The following TNFAIP8L3 variants were observed in gnomAD, a reference collection of about 807,000 sequenced individuals.
The protein encoded by TNFAIP8L3 is tumor necrosis factor alpha-induced protein 8-like protein 3.
Under a neutral mutation model 11.8 loss-of-function variants are expected in TNFAIP8L3, and 7 were observed. The ratio of observed to expected loss-of-function variants is 0.59; its 90% CI spans 0.34 to 1.11. The LOEUF is 1.11. Among genes scored for constraint, TNFAIP8L3 ranks in the 50% most tolerant of loss-of-function variants. The pLI is 0.03. For missense variants in TNFAIP8L3, 219 were observed against 258.6 expected, an observed-to-expected ratio of 0.85 and a Z score of 1.05; for synonymous variants, 98 against 103.8, an observed-to-expected ratio of 0.94 and a Z score of 0.34.
rs1038529963 is a variant in TNFAIP8L3, at chr15:51,094,880, G to A, written c.-285C>T. 6.6e-6 allele frequency among the ~76,000 whole-genome samples: 1 copy of A among 151,220 alleles called. No individual in the cohort carries two copies. The highest frequency in any genetic ancestry group is 2.4e-5 in the African/African-American group (1 of 41,318). Reference sequence around the variant, plus strand: ...AGCCGGGAGGAGGGAGGGGAGGCGCGAGCGCCGAGGAGCCCGAGCGTCCGG... The same window carrying A: ...AGCCGGGAGGAGGGAGGGGAGGCGCAAGCGCCGAGGAGCCCGAGCGTCCGG... On this transcript the variant is annotated 5_prime_UTR_variant, in exon 1 of 2. Coordinates refer to ENST00000637513, the MANE Select transcript of TNFAIP8L3 (RefSeq NM_001311175.2). This position sits in a 1 kb window ranked among gnomAD's most constrained non-coding sequence, Gnocchi z 4.4.
upstream of TNFAIP8L3, among the ~76,000 whole-genome samples, chr15:51,095,090 C>T (rs563082383): frequency 4.3e-4 from 65 of 152,232 alleles, 1 homozygote; most frequent in African/African-American, 1.5e-3. Context: ...AGAGCTTCAA[C>T]TCGCGCAGGA....
chr15:51,075,467 C>T (rs2065343375), intron 1 of TNFAIP8L3, among the ~76,000 whole-genome samples: 1 of 152,160 alleles, frequency 6.6e-6, no homozygotes, highest in South Asian at 2.1e-4. Flanking sequence ...TACTCAGGAG[C>T]TGTCGGGCTT....
At chr15:51,076,878 C>A (rs1254997625) in intron 1 of TNFAIP8L3, among the ~76,000 whole-genome samples, 1 of 152,168 alleles carries the variant, frequency 6.6e-6, no homozygotes, top group Non-Finnish European at 1.5e-5. Flanking sequence ...TTAATAGTAA[C>A]CCCTTAAGTA....
At chr15:51,090,559 C>T (rs2065461085) in intron 1 of TNFAIP8L3, among the ~76,000 whole-genome samples, 1 of 152,196 alleles carries the variant, frequency 6.6e-6, no homozygotes, top group African/African-American at 2.4e-5. Context: ...TAGCTGCCTT[C>T]CTGTTTATTT....
intron 1 of TNFAIP8L3, among the ~76,000 whole-genome samples, chr15:51,075,842 A>G (rs2065345597): frequency 6.6e-6 from 1 of 152,216 alleles, no homozygotes. Flanking sequence ...AGGTGCTCTA[A>G]TTAATTAATG....
At chr15:51,099,551 C>T (rs1567298915), upstream of TNFAIP8L3, among the ~76,000 whole-genome samples, 1 of 152,186 alleles carries the variant, frequency 6.6e-6, no homozygotes, top group Non-Finnish European at 1.5e-5. Context: ...CTTTAAATAG[C>T]AGCACCAGGA....
chr15:51,068,510 T>C (rs2065286284), intron 1 of TNFAIP8L3, among the ~76,000 whole-genome samples: 1 of 152,186 alleles, frequency 6.6e-6, no homozygotes, highest in South Asian at 2.1e-4. Context: ...ACTAGAGATC[T>C]TGAGGGATAA....
rs190029759 is a variant in TNFAIP8L3 at position 51,104,960 on chromosome 15, C to T, written c.172+45G>A. The T allele has an allele frequency of 4.6e-4, 736 of 1,612,822 alleles. 3 individuals carry two copies. The African/African-American group carries it at 8.9e-3, about 19-fold the overall frequency. On this transcript the variant is annotated intron_variant, in intron 1 of 2. Transcript: ENST00000327536. ...CTTGCATGCTTTGCACAAGCCTCCC[C>T]GCCCCTATACTTCCTTCTCTGCCAG... is the stretch of plus-strand genomic sequence containing the variant.
chr15:51,056,895 TA>T lies in TNFAIP8L3; in HGVS notation c.*985del, dbSNP rs1471144651. 1 of 151,656 alleles carries T rather than the reference TA, an allele frequency of 6.6e-6. No homozygotes were observed. The highest frequency in any genetic ancestry group is 1.5e-5 in the Non-Finnish European group (1 of 67,970). The allele number at this position is 151,656 out of a possible 1,614,324, so 9.4% of individuals were successfully genotyped here. On this transcript the variant is annotated 3_prime_UTR_variant, in exon 2 of 2. Coordinates refer to ENST00000637513, the MANE Select transcript of TNFAIP8L3 (RefSeq NM_001311175.2). ...CTAAGACCTCAAAAACACCTCTTTT[TA>T]AAAAAATTATTATTATTATTATTAT...
chr15:51,103,692 C>A (rs954761058), intron 1 of TNFAIP8L3, among the ~76,000 whole-genome samples: 7 of 152,180 alleles, frequency 4.6e-5, no homozygotes, highest in Admixed American at 1.3e-4. Context: ...TCTATCCTTC[C>A]AAACTCCGTG....
At chr15:51,079,583 ACT>A (rs1256112455) in intron 1 of TNFAIP8L3, among the ~76,000 whole-genome samples, 2 of 152,014 alleles carry the variant, frequency 1.3e-5, no homozygotes, top group African/African-American at 4.8e-5. Flanking sequence ...GGCCTGAGAC[ACT>A]CTCACCTGGG....
intron 1 of TNFAIP8L3, among the ~76,000 whole-genome samples, chr15:51,083,468 G>C (rs76940320): frequency 0.017 from 2,599 of 152,300 alleles, 29 homozygotes; most frequent in Non-Finnish European, 0.026. Context: ...ATCTGGAATA[G>C]AGGTCAAGGA....
Position 51,072,989 on chromosome 15 carries a change from C to CTTTTTT in TNFAIP8L3, c.53-14547_53-14546insAAAAAA, listed in dbSNP as rs2065321403. ...ATGTTGATCTGAAGTAAACTGGGAT[C>CTTTTTT]CTTTTTTTTTTTTTTTTTTTTTTTG... On this transcript the variant is annotated intron_variant, in intron 1 of 1. Transcript: ENST00000637513. Among the ~76,000 whole-genome samples, 10 of 45,754 alleles carry CTTTTTT rather than the reference C, an allele frequency of 2.2e-4. 3 individuals carry two copies. The highest frequency in any genetic ancestry group is 3.0e-4 in the Admixed American group (1 of 3,336). 30.0% of individuals were successfully genotyped at this position (45,754 alleles called of 152,430 possible).
intron 1 of TNFAIP8L3, among the ~76,000 whole-genome samples, chr15:51,091,393 T>C (rs1595618970): frequency 6.6e-6 from 1 of 152,168 alleles, no homozygotes; most frequent in Admixed American, 6.5e-5. Flanking sequence ...GTGACCATGA[T>C]GGTTCCTGCC....
chr15:51,088,695 T>C lies in TNFAIP8L3; in HGVS notation c.52+5849A>G, dbSNP rs565118008. On this transcript the variant is annotated intron_variant, in intron 1 of 1. Transcript: ENST00000637513. ...AAGAGGTCTAGACAAAGTTTGCAGT[T>C]CAACAACTATCCCCTGAATTCTGCT... Among the ~76,000 whole-genome samples, 5 of 152,312 alleles carry C rather than the reference T, an allele frequency of 3.3e-5. No homozygotes were observed. In the South Asian group the frequency reaches 1.0e-3, roughly 32 times the overall value.
At chr15:51,078,376 C>T (rs1344127415) in intron 1 of TNFAIP8L3, among the ~76,000 whole-genome samples, 1 of 152,020 alleles carries the variant, frequency 6.6e-6, no homozygotes, top group East Asian at 1.9e-4. Flanking sequence ...GAGGGCACCC[C>T]GATACACACG....
intron 1 of TNFAIP8L3, among the ~76,000 whole-genome samples, chr15:51,084,376 A>G (rs1250480759): frequency 6.6e-6 from 1 of 152,220 alleles, no homozygotes; most frequent in Admixed American, 6.5e-5. Flanking sequence ...TTATGTATTT[A>G]ATCATTCCAT....
At chr15:51,068,660 G>GTTTTTTT (rs113982459) in intron 1 of TNFAIP8L3, among the ~76,000 whole-genome samples, 2 of 116,342 alleles carry the variant, frequency 1.7e-5, no homozygotes, top group Admixed American at 9.6e-5. Flanking sequence ...CACCCCTCCT[G>GTTTTTTT]TTTTTTTTTT....
At chr15:51,098,304 A>G (rs554891470), upstream of TNFAIP8L3, among the ~76,000 whole-genome samples, 3 of 152,304 alleles carry the variant, frequency 2.0e-5, no homozygotes, top group Admixed American at 2.0e-4. Context: ...TTCACACGCT[A>G]GGACTGCTGC....
Sources: gnomAD v4.1 joint callset for allele counts (sites outside exome capture counted in the v4.1 genomes callset) on GRCh38, gnomAD v4.1.1 for gene constraint, Gnocchi (gnomAD v3.1) non-coding constraint, MANE v1.5 for transcripts, NCBI Gene and HGNC (gene_info 2026-07-23, HGNC 2026-07-21) for gene names.